The following PTPRD variants were observed in gnomAD, a reference collection of about 807,000 sequenced individuals.
PTPRD encodes protein tyrosine phosphatase receptor type D, also known as receptor-type tyrosine-protein phosphatase delta.
A neutral mutation model predicts 214.5 loss-of-function variants in PTPRD; 34 were observed. The ratio of observed to expected loss-of-function variants is 0.16; its 90% confidence interval spans 0.12 to 0.21. The LOEUF is 0.21. PTPRD is among the 10% of genes least tolerant of loss of function. The pLI, the probability that PTPRD is intolerant of heterozygous loss-of-function variation, is 1.00. For synonymous variants in PTPRD, 1,128 were observed against 845.7 expected (o/e 1.33, Z -5.79); for missense variants, 2,545 against 2,398.7 (o/e 1.06, Z -1.27).
intron 3 of PTPRD, among the ~76,000 whole-genome samples, chr9:10,087,520 G>A (rs1210883034): frequency 1.3e-5 from 2 of 151,512 alleles, no homozygotes; most frequent in South Asian, 2.1e-4. Flanking sequence ...TATCAAACCC[G>A]AGCAAAGTGT....
At chr9:8,914,256 G>C (rs999652252) in intron 11 of PTPRD, among the ~76,000 whole-genome samples, 1 of 151,886 alleles carries the variant, frequency 6.6e-6, no homozygotes, top group African/African-American at 2.4e-5. Flanking sequence ...AAATAAATAA[G>C]GAAGAATGCA....
At chr9:9,940,322 A>ACTAC (rs2091076600) in intron 4 of PTPRD, among the ~76,000 whole-genome samples, 1 of 152,116 alleles carries the variant, frequency 6.6e-6, no homozygotes. Context: ...TCTTGACTAG[A>ACTAC]CTACCTATGG....
At chr9:10,150,653 T>TA (rs2099054705) in intron 3 of PTPRD, among the ~76,000 whole-genome samples, 1 of 128,684 alleles carries the variant, frequency 7.8e-6, no homozygotes, top group Admixed American at 7.7e-5. Flanking sequence ...GAACTTAAAG[T>TA]AAAATAAAAA....
At chr9:10,150,957 T>C (rs751152801) in intron 3 of PTPRD, among the ~76,000 whole-genome samples, 19 of 152,122 alleles carry the variant, frequency 1.2e-4, no homozygotes, top group Non-Finnish European at 2.6e-4. Flanking sequence ...CTTAGCCTTG[T>C]CACTCAGCCA....
chr9:10,439,416 C>G (rs967907322), intron 2 of PTPRD, among the ~76,000 whole-genome samples: 2 of 151,460 alleles, frequency 1.3e-5, no homozygotes, highest in Non-Finnish European at 3.0e-5. Context: ...AAATTGTATT[C>G]AAGGAAAAAG....
chr9:9,163,666 G>T (rs1164134673), intron 10 of PTPRD, among the ~76,000 whole-genome samples: 1 of 152,040 alleles, frequency 6.6e-6, no homozygotes, highest in Non-Finnish European at 1.5e-5. Flanking sequence ...ATCTTTTAAA[G>T]CTGTCCTACT....
At chr9:9,655,158 G>C (rs906770169) in intron 7 of PTPRD, among the ~76,000 whole-genome samples, 2 of 151,942 alleles carry the variant, frequency 1.3e-5, no homozygotes, top group Admixed American at 6.6e-5. Flanking sequence ...ATGATTAAGA[G>C]AATAAGACAA....
chr9:8,871,889 G>A (rs2098306371), intron 11 of PTPRD, among the ~76,000 whole-genome samples: 1 of 152,122 alleles, frequency 6.6e-6, no homozygotes, highest in Non-Finnish European at 1.5e-5. Context: ...AGGAAATGAA[G>A]ATATTTGGCT....
intron 5 of PTPRD, among the ~76,000 whole-genome samples, chr9:9,884,794 C>T (rs2070200056): frequency 6.6e-6 from 1 of 152,136 alleles, no homozygotes; most frequent in Non-Finnish European, 1.5e-5. Context: ...TCCCCACTTG[C>T]TTGGCACTTC....
chr9:9,169,153 T>C (rs1217719637), intron 10 of PTPRD, among the ~76,000 whole-genome samples: 1 of 152,126 alleles, frequency 6.6e-6, no homozygotes, highest in Admixed American at 6.6e-5. Flanking sequence ...TAATAAATCT[T>C]ATAGAGCCTC....
intron 5 of PTPRD, among the ~76,000 whole-genome samples, chr9:9,775,238 T>G (rs1396417987): frequency 6.6e-6 from 1 of 152,206 alleles, no homozygotes; most frequent in Non-Finnish European, 1.5e-5. Context: ...TGAAGGTCAC[T>G]TGTTTTATTG....
At chr9:10,095,155 T>C (rs968019130) in intron 3 of PTPRD, among the ~76,000 whole-genome samples, 1 of 151,452 alleles carries the variant, frequency 6.6e-6, no homozygotes, top group African/African-American at 2.4e-5. Context: ...ATATGAAGTC[T>C]CACAATGATA....
At chr9:8,942,257 A>G (rs1284097596) in intron 11 of PTPRD, among the ~76,000 whole-genome samples, 1 of 152,138 alleles carries the variant, frequency 6.6e-6, no homozygotes, top group Non-Finnish European at 1.5e-5. Context: ...CACTTTAACA[A>G]TATACTTTTT....
intron 2 of PTPRD, among the ~76,000 whole-genome samples, chr9:10,605,768 G>C (rs1437129563): frequency 6.6e-6 from 1 of 151,822 alleles, no homozygotes; most frequent in Non-Finnish European, 1.5e-5. Context: ...AAGACCATAA[G>C]ATGGTCACAA....
intron 10 of PTPRD, among the ~76,000 whole-genome samples, chr9:9,130,898 A>T (rs1300936089): frequency 6.6e-6 from 1 of 152,192 alleles, no homozygotes; most frequent in Non-Finnish European, 1.5e-5. Context: ...TGTCCATTTA[A>T]AAGCCGTTGT....
At chr9:9,984,884 A>T (rs1157028921) in intron 4 of PTPRD, among the ~76,000 whole-genome samples, 1 of 152,070 alleles carries the variant, frequency 6.6e-6, no homozygotes, top group Non-Finnish European at 1.5e-5. Context: ...CACACTCCTG[A>T]CCAACCATGC....
intron 9 of PTPRD, among the ~76,000 whole-genome samples, chr9:9,291,281 T>C (rs1195171701): frequency 6.6e-6 from 1 of 151,416 alleles, no homozygotes; most frequent in African/African-American, 2.4e-5. Flanking sequence ...TAAACTTTTC[T>C]TCAAAATGTA....
intron 9 of PTPRD, among the ~76,000 whole-genome samples, chr9:9,272,346 G>A (rs1188703503): frequency 6.6e-6 from 1 of 151,128 alleles, no homozygotes. Context: ...TAAATTGAAA[G>A]TTAAAAAATC....
At chr9:8,386,987 C>T (rs1213336464) in intron 37 of PTPRD, among the ~76,000 whole-genome samples, 1 of 152,078 alleles carries the variant, frequency 6.6e-6, no homozygotes, top group Non-Finnish European at 1.5e-5. Flanking sequence ...GCCTTGGGGT[C>T]CAGGGCTCAT....
Sources: gnomAD v4.1 joint callset for allele counts (sites outside exome capture counted in the v4.1 genomes callset) on GRCh38, gnomAD v4.1.1 for gene constraint, MANE v1.5 for transcripts, NCBI Gene and HGNC (gene_info 2026-07-23, HGNC 2026-07-21) for gene names.